RBFOX1: variants seen among roughly 807,000 people sequenced by gnomAD.
The protein encoded by RBFOX1 is RNA binding protein fox-1 homolog 1.
In RBFOX1, 8 loss-of-function variants were observed where a neutral mutation model predicts 57.7. The ratio of observed to expected loss-of-function variants is 0.14; its 90% confidence interval spans 0.08 to 0.25. The LOEUF (loss-of-function observed/expected upper bound fraction) is 0.25, where lower values mean the gene tolerates loss of function less well. Among genes scored for constraint, RBFOX1 ranks in the 10% least tolerant of loss-of-function variants. The pLI, the probability that RBFOX1 is intolerant of heterozygous loss-of-function variation, is 1.00. For synonymous variants in RBFOX1, 326 were observed against 222.4 expected (o/e 1.47, Z -4.15); for missense variants, 611 against 548.5 (o/e 1.11, Z -1.14).
At chr16:5,396,750 A>C (rs1318570095) in intron 1 of RBFOX1, among the ~76,000 whole-genome samples, 1 of 152,244 alleles carries the variant, frequency 6.6e-6, no homozygotes, top group Non-Finnish European at 1.5e-5. Context: ...AGAAAGATCG[A>C]AGATAAATGT....
At chr16:5,876,866 A>G (rs938497301) in intron 4 of RBFOX1, among the ~76,000 whole-genome samples, 1 of 152,182 alleles carries the variant, frequency 6.6e-6, no homozygotes, top group Admixed American at 6.5e-5. Context: ...ACCATGTTTT[A>G]TCAATGGCAA....
At chr16:5,258,254 A>G (rs906208828) in intron 1 of RBFOX1, among the ~76,000 whole-genome samples, 1 of 152,202 alleles carries the variant, frequency 6.6e-6, no homozygotes, top group Non-Finnish European at 1.5e-5. Flanking sequence ...TTAATGAGCT[A>G]TCATATACCC....
At chr16:6,652,975 A>G (rs1025523149) in intron 2 of RBFOX1, among the ~76,000 whole-genome samples, 2 of 152,144 alleles carry the variant, frequency 1.3e-5, no homozygotes, top group Non-Finnish European at 1.5e-5. Flanking sequence ...TAAAGTAAAC[A>G]TCTCCCTGTG....
At chr16:7,492,144 G>T (rs970182103) in intron 4 of RBFOX1, among the ~76,000 whole-genome samples, 1 of 152,178 alleles carries the variant, frequency 6.6e-6, no homozygotes, top group African/African-American at 2.4e-5. Flanking sequence ...TACTTAGCAT[G>T]ATTTTGTCTG....
intron 4 of RBFOX1, among the ~76,000 whole-genome samples, chr16:7,510,511 G>GT (rs1567589181): frequency 4.5e-4 from 68 of 150,018 alleles, no homozygotes; most frequent in East Asian, 2.0e-3. Flanking sequence ...GTGTGTGTGT[G>GT]GGCGCGCGCG....
chr16:6,754,898 G>C (rs1021007727), intron 3 of RBFOX1, among the ~76,000 whole-genome samples: 1 of 150,360 alleles, frequency 6.7e-6, no homozygotes, highest in African/African-American at 2.5e-5. Context: ...TGTTCCCCTT[G>C]CTGTGTCCAT....
intron 3 of RBFOX1, among the ~76,000 whole-genome samples, chr16:5,616,725 C>T (rs1350523618): frequency 7.0e-6 from 1 of 143,186 alleles, no homozygotes; most frequent in Non-Finnish European, 1.5e-5. Context: ...CTCTTTCTGT[C>T]CCTCTCCTCC....
chr16:7,178,904 G>T (rs1227458515), intron 4 of RBFOX1, among the ~76,000 whole-genome samples: 1 of 152,028 alleles, frequency 6.6e-6, no homozygotes, highest in Admixed American at 6.6e-5. Context: ...TACTGATTTG[G>T]TTAACAAGAT....
intron 3 of RBFOX1, among the ~76,000 whole-genome samples, chr16:5,639,127 C>G (rs950122400): frequency 6.6e-6 from 1 of 152,208 alleles, no homozygotes; most frequent in South Asian, 2.1e-4. Context: ...GGTTCTTTTG[C>G]TCTGATCCTG....
At chr16:6,110,632 A>C (rs1165046624) in intron 1 of RBFOX1, among the ~76,000 whole-genome samples, 1 of 152,188 alleles carries the variant, frequency 6.6e-6, no homozygotes, top group Admixed American at 6.5e-5. Context: ...TTCTGTGTGA[A>C]GGACACTCCA....
chr16:5,890,081 C>G (rs114018833), intron 4 of RBFOX1, among the ~76,000 whole-genome samples: 1 of 152,170 alleles, frequency 6.6e-6, no homozygotes, highest in Non-Finnish European at 1.5e-5. Flanking sequence ...CACGAACAGA[C>G]TGCCAGATCT....
At chr16:6,572,621 C>T (rs1600235543) in intron 2 of RBFOX1, among the ~76,000 whole-genome samples, 1 of 151,848 alleles carries the variant, frequency 6.6e-6, no homozygotes, top group African/African-American at 2.4e-5. Context: ...TAGACAGAGT[C>T]TCACTCTGTC....
intron 1 of RBFOX1, among the ~76,000 whole-genome samples, chr16:6,101,210 C>T (rs548100612): frequency 6.6e-6 from 1 of 152,226 alleles, no homozygotes; most frequent in African/African-American, 2.4e-5. Flanking sequence ...GTCTCCGGAC[C>T]CACTCTCTCA....
intron 2 of RBFOX1, among the ~76,000 whole-genome samples, chr16:6,415,690 T>C (rs34404863): frequency 0.5 from 75,612 of 151,874 alleles, 18,967 homozygotes; most frequent in East Asian, 0.58. Context: ...AACAAAGCAA[T>C]ACTGTGCCTC....
intron 2 of RBFOX1, among the ~76,000 whole-genome samples, chr16:6,339,870 G>T (rs554720732): frequency 6.6e-6 from 1 of 151,672 alleles, no homozygotes; most frequent in African/African-American, 2.4e-5. Flanking sequence ...GTAGAGAGAG[G>T]GTTTTACCAT....
At chr16:6,612,293 C>G (rs1158208574) in intron 2 of RBFOX1, among the ~76,000 whole-genome samples, 2 of 152,124 alleles carry the variant, frequency 1.3e-5, no homozygotes, top group Non-Finnish European at 2.9e-5. Context: ...TTTCTCAAAA[C>G]TAAGAAACCA....
At chr16:5,688,555 A>C (rs1322515852) in intron 3 of RBFOX1, among the ~76,000 whole-genome samples, 1 of 152,084 alleles carries the variant, frequency 6.6e-6, no homozygotes, top group Non-Finnish European at 1.5e-5. Flanking sequence ...TTTCCTCCTC[A>C]GCTCTGAGAT....
intron 4 of RBFOX1, among the ~76,000 whole-genome samples, chr16:7,167,448 C>G (rs1391336351): frequency 2.6e-5 from 4 of 152,018 alleles, no homozygotes; most frequent in South Asian, 4.1e-4. Context: ...GAAGACCAAA[C>G]TAGAGCTAAG....
intron 2 of RBFOX1, among the ~76,000 whole-genome samples, chr16:5,485,204 G>C (rs2069684389): frequency 6.6e-6 from 1 of 151,904 alleles, no homozygotes; most frequent in African/African-American, 2.4e-5. Flanking sequence ...AAATTAGCCT[G>C]GCGTAGTGGC....
Sources: gnomAD v4.1 joint callset for allele counts (sites outside exome capture counted in the v4.1 genomes callset) on GRCh38, gnomAD v4.1.1 for gene constraint, MANE v1.5 for transcripts, NCBI Gene and HGNC (gene_info 2026-07-23, HGNC 2026-07-21) for gene names.